The following THADA variants were observed in gnomAD, a reference collection of about 807,000 sequenced individuals.
The protein encoded by THADA is tRNA (32-2'-O)-methyltransferase regulator THADA.
THADA carries 213 observed loss-of-function variants against 219.8 expected under a neutral mutation model. The observed-to-expected ratio is 0.97, with a 90% CI of 0.87 to 1.09. The LOEUF (loss-of-function observed/expected upper bound fraction) is 1.09. Among genes scored for constraint, THADA ranks in the 50% least tolerant of loss-of-function variants. THADA has a pLI of 0.00. For missense variants in THADA, 2,956 were observed against 2,311.3 expected (o/e 1.28, Z -5.72); for synonymous variants, 1,018 against 828.9 (o/e 1.23, Z -3.92).
chr2:43,402,181 T>C (rs1674933495), intron 28 of THADA, among the ~76,000 whole-genome samples: 1 of 152,184 alleles, frequency 6.6e-6, no homozygotes, highest in Non-Finnish European at 1.5e-5. Context: ...CAGGTTTGTG[T>C]TCTGCTGCAT....
intron 7 of THADA, among the ~76,000 whole-genome samples, chr2:43,583,585 A>T (rs1700686055): frequency 1.3e-5 from 2 of 152,248 alleles, no homozygotes; most frequent in African/African-American, 4.8e-5. Flanking sequence ...AGCTAAAAGC[A>T]GAGACTCAAA....
chr2:43,271,813 C>T (rs1279599274), intron 36 of THADA, among the ~76,000 whole-genome samples: 1 of 152,004 alleles, frequency 6.6e-6, no homozygotes, highest in African/African-American at 2.4e-5. Flanking sequence ...AGGGGTTTCA[C>T]CATGTTGGCC....
chr2:43,575,559 G>C (rs1418483355), intron 10 of THADA, among the ~76,000 whole-genome samples: 1 of 152,156 alleles, frequency 6.6e-6, no homozygotes. Flanking sequence ...ATTTATTTGA[G>C]ACAGGGTCTT....
chr2:43,258,342 G>A (rs899702287), intron 36 of THADA, among the ~76,000 whole-genome samples: 4 of 152,078 alleles, frequency 2.6e-5, no homozygotes, highest in African/African-American at 9.7e-5. Context: ...GACCAACATA[G>A]AGAAACCCTG....
At chr2:43,501,594 A>G (rs145113805) in intron 24 of THADA, among the ~76,000 whole-genome samples, 1 of 152,284 alleles carries the variant, frequency 6.6e-6, no homozygotes, top group African/African-American at 2.4e-5. Context: ...AAAACAAAAA[A>G]AGAGAGATTC....
At chr2:43,480,824 G>C (rs6712528) in intron 26 of THADA, among the ~76,000 whole-genome samples, 15 of 129,348 alleles carry the variant, frequency 1.2e-4, no homozygotes, top group Middle Eastern at 4.0e-3. Flanking sequence ...TCTTGGGGGG[G>C]AAAAAAAAAA....
At chr2:43,569,581 T>C (rs532448955) in intron 14 of THADA, among the ~76,000 whole-genome samples, 167 of 152,084 alleles carry the variant, frequency 1.1e-3, no homozygotes, top group African/African-American at 3.4e-3. Context: ...ATAAATACTC[T>C]TTGTTTGATG....
At chr2:43,292,577 A>G (rs1674860651) in intron 32 of THADA, among the ~76,000 whole-genome samples, 1 of 152,228 alleles carries the variant, frequency 6.6e-6, no homozygotes, top group Non-Finnish European at 1.5e-5. Context: ...TAAACATCCC[A>G]AAGTGGTTTG....
chr2:43,301,836 G>A (rs1210242070), intron 31 of THADA, among the ~76,000 whole-genome samples: 2 of 152,112 alleles, frequency 1.3e-5, no homozygotes, highest in African/African-American at 4.8e-5. Context: ...GGTAGAGTTC[G>A]TCAAAGGGTT....
At chr2:43,449,417 G>A (rs1682021698) in intron 26 of THADA, among the ~76,000 whole-genome samples, 1 of 152,116 alleles carries the variant, frequency 6.6e-6, no homozygotes, top group South Asian at 2.1e-4. Context: ...AAGAAATAAT[G>A]ACCAAAACTT....
intron 25 of THADA, among the ~76,000 whole-genome samples, chr2:43,497,248 G>C (rs1372882470): frequency 6.6e-6 from 1 of 152,144 alleles, no homozygotes; most frequent in Non-Finnish European, 1.5e-5. Context: ...TATGTTTATT[G>C]CAGCACTATT....
intron 28 of THADA, among the ~76,000 whole-genome samples, chr2:43,408,040 T>C (rs1030780715): frequency 5.3e-5 from 8 of 152,238 alleles, no homozygotes; most frequent in African/African-American, 1.9e-4. Flanking sequence ...AGTCTAAATA[T>C]GTTTCCTACT....
At chr2:43,427,136 T>G (rs542821616) in intron 28 of THADA, among the ~76,000 whole-genome samples, 81 of 152,218 alleles carry the variant, frequency 5.3e-4, no homozygotes, top group Non-Finnish European at 9.7e-4. Flanking sequence ...TGGGAATTCA[T>G]GCCACATGGC....
At chr2:43,562,646 T>G (rs903515799) in intron 15 of THADA, 2 of 152,208 alleles carry the variant, frequency 1.3e-5, no homozygotes, top group African/African-American at 4.8e-5. Flanking sequence ...TGAAAGAGTC[T>G]CAGAAGGACT....
intron 21 of THADA, among the ~76,000 whole-genome samples, chr2:43,531,862 A>T (rs1237555428): frequency 2.0e-5 from 3 of 151,922 alleles, no homozygotes; most frequent in Non-Finnish European, 4.4e-5. Context: ...TCGACTCATA[A>T]TTTTTTTAAA....
intron 29 of THADA, among the ~76,000 whole-genome samples, chr2:43,395,538 A>T (rs1051975244): frequency 8.6e-5 from 13 of 150,590 alleles, no homozygotes; most frequent in African/African-American, 3.3e-4. Context: ...GATTATCTGA[A>T]ACTGCAGTCT....
At chr2:43,325,449 T>TAA (rs899126217) in intron 30 of THADA, among the ~76,000 whole-genome samples, 2 of 152,060 alleles carry the variant, frequency 1.3e-5, no homozygotes, top group Non-Finnish European at 2.9e-5. Context: ...TCAAGGAACT[T>TAA]AGAGTCCTGA....
intron 28 of THADA, among the ~76,000 whole-genome samples, chr2:43,409,081 T>C (rs536299806): frequency 5.9e-5 from 9 of 152,222 alleles, no homozygotes; most frequent in Non-Finnish European, 1.2e-4. Flanking sequence ...TAGAATCTCA[T>C]TAATTATTTT....
chr2:43,530,728 T>C (rs951274837), intron 21 of THADA, among the ~76,000 whole-genome samples: 7 of 152,222 alleles, frequency 4.6e-5, no homozygotes, highest in African/African-American at 7.2e-5. Context: ...TAGGCAAACA[T>C]CAGATTTTCA....
Sources: allele counts gnomAD v4.1 joint callset (sites outside exome capture counted in the v4.1 genomes callset), GRCh38; gene constraint gnomAD v4.1.1; transcripts MANE v1.5; gene names NCBI Gene and HGNC (gene_info 2026-07-23, HGNC 2026-07-21).